Variants in GABBR2 observed in about 807,000 individuals in gnomAD.
The protein encoded by GABBR2 is gamma-aminobutyric acid type B receptor subunit 2.
A neutral mutation model predicts 105.6 loss-of-function variants in GABBR2; 23 were observed. The ratio of observed to expected loss-of-function variants is 0.22; its 90% CI spans 0.16 to 0.31. The LOEUF (loss-of-function observed/expected upper bound fraction) is 0.31, where lower values mean the gene tolerates loss of function less well. Among genes scored for constraint, GABBR2 ranks in the 10% least tolerant of loss-of-function variants. The pLI is 1.00. For synonymous variants in GABBR2, 478 were observed against 499.7 expected (o/e 0.96, Z 0.58); for missense variants, 734 against 1,245.5 (o/e 0.59, Z 6.18).
At chr9:98,671,989 G>T (rs900241083) in intron 1 of GABBR2, among the ~76,000 whole-genome samples, 1 of 152,154 alleles carries the variant, frequency 6.6e-6, no homozygotes, top group African/African-American at 2.4e-5. Flanking sequence ...AAGGTTTCTT[G>T]TTTGTAGAAC....
intron 7 of GABBR2, among the ~76,000 whole-genome samples, chr9:98,426,267 A>T (rs146965989): frequency 6.6e-6 from 1 of 152,310 alleles, no homozygotes; most frequent in African/African-American, 2.4e-5. Flanking sequence ...CACATAACCT[A>T]TCCAGGACTT....
intron 1 of GABBR2, among the ~76,000 whole-genome samples, chr9:98,627,720 A>G (rs922766807): frequency 5.3e-5 from 8 of 152,220 alleles, no homozygotes; most frequent in Non-Finnish European, 1.2e-4. Flanking sequence ...CCCTATGGCC[A>G]TTCTCCTCGG....
chr9:98,700,163 G>A (rs1314615101), intron 1 of GABBR2, among the ~76,000 whole-genome samples: 1 of 152,130 alleles, frequency 6.6e-6, no homozygotes, highest in Non-Finnish European at 1.5e-5. Context: ...TCAAGGGCAG[G>A]ATCTGTGTTT....
chr9:98,315,200 C>G (rs1192095297), intron 13 of GABBR2, among the ~76,000 whole-genome samples: 1 of 152,162 alleles, frequency 6.6e-6, no homozygotes. Flanking sequence ...CCCATCTCAG[C>G]AGCCTTAAGC....
intron 1 of GABBR2, among the ~76,000 whole-genome samples, chr9:98,685,870 T>A (rs1466870958): frequency 6.6e-6 from 1 of 152,034 alleles, no homozygotes; most frequent in Non-Finnish European, 1.5e-5. Flanking sequence ...AATTTTTTTT[T>A]AAGAGATGAG....
chr9:98,555,387 T>C (rs1015047502), intron 2 of GABBR2, among the ~76,000 whole-genome samples: 1 of 152,250 alleles, frequency 6.6e-6, no homozygotes, highest in Non-Finnish European at 1.5e-5. Flanking sequence ...AATGGTTTGT[T>C]AATTAAACAA....
chr9:98,440,018 C>T (rs1293445865), intron 7 of GABBR2, among the ~76,000 whole-genome samples: 3 of 152,158 alleles, frequency 2.0e-5, no homozygotes, highest in South Asian at 4.1e-4. Context: ...TACTGAAGGT[C>T]CCAGCCTACT....
At chr9:98,439,184 A>C (rs1441137051) in intron 7 of GABBR2, among the ~76,000 whole-genome samples, 1 of 152,176 alleles carries the variant, frequency 6.6e-6, no homozygotes, top group East Asian at 1.9e-4. Context: ...ATAAACATGC[A>C]ACATTAAAAT....
At chr9:98,590,780 G>T (rs931474782) in intron 1 of GABBR2, among the ~76,000 whole-genome samples, 1 of 152,240 alleles carries the variant, frequency 6.6e-6, no homozygotes, top group Non-Finnish European at 1.5e-5. Context: ...GCCTGAGCTA[G>T]GTAGGGGAAG....
chr9:98,658,641 C>T (rs572108877), intron 1 of GABBR2, among the ~76,000 whole-genome samples: 2 of 152,332 alleles, frequency 1.3e-5, no homozygotes, highest in Admixed American at 6.5e-5. Flanking sequence ...TCCAAGGAAC[C>T]ACTGCCAGTA....
chr9:98,586,143 A>G (rs576131293), intron 1 of GABBR2, among the ~76,000 whole-genome samples: 2 of 152,300 alleles, frequency 1.3e-5, no homozygotes, highest in African/African-American at 4.8e-5. Flanking sequence ...TATGAAAAAT[A>G]GTAATGCGAA....
At chr9:98,653,321 C>A (rs1003858344) in intron 1 of GABBR2, among the ~76,000 whole-genome samples, 12 of 152,158 alleles carry the variant, frequency 7.9e-5, no homozygotes, top group African/African-American at 2.9e-4. Context: ...TAAAGCACAG[C>A]CAGAGTTGTG....
At chr9:98,597,685 G>C (rs1829258212) in intron 1 of GABBR2, among the ~76,000 whole-genome samples, 1 of 152,086 alleles carries the variant, frequency 6.6e-6, no homozygotes, top group Non-Finnish European at 1.5e-5. Context: ...AGCCACCTGG[G>C]GTGAGGGCAC....
intron 3 of GABBR2, among the ~76,000 whole-genome samples, chr9:98,508,551 G>A (rs1041534826): frequency 6.6e-6 from 1 of 152,178 alleles, no homozygotes; most frequent in Non-Finnish European, 1.5e-5. Flanking sequence ...TGGAAAATTG[G>A]GTCACTCCCA....
chr9:98,585,235 C>T (rs959183720), intron 1 of GABBR2, among the ~76,000 whole-genome samples: 2 of 151,994 alleles, frequency 1.3e-5, no homozygotes, highest in Non-Finnish European at 2.9e-5. Context: ...AGACTTGGAA[C>T]CAACCTAAAT....
chr9:98,485,534 ACT>A (rs1279731935), intron 4 of GABBR2, among the ~76,000 whole-genome samples: 2 of 151,836 alleles, frequency 1.3e-5, no homozygotes, highest in Non-Finnish European at 2.9e-5. Flanking sequence ...ACGCACACAC[ACT>A]CACGCACGCA....
intron 5 of GABBR2, among the ~76,000 whole-genome samples, chr9:98,480,584 A>G (rs937241274): frequency 3.3e-5 from 5 of 152,226 alleles, no homozygotes; most frequent in Non-Finnish European, 7.3e-5. Context: ...CCCTAACCTA[A>G]GACTCTGAGC....
chr9:98,588,275 T>G (rs1355272394), intron 1 of GABBR2, among the ~76,000 whole-genome samples: 2 of 152,256 alleles, frequency 1.3e-5, no homozygotes, highest in African/African-American at 4.8e-5. Context: ...TATATTGTTT[T>G]GTCATTGCAA....
intron 7 of GABBR2, among the ~76,000 whole-genome samples, chr9:98,421,590 T>C (rs1158590199): frequency 6.6e-6 from 1 of 152,182 alleles, no homozygotes; most frequent in African/African-American, 2.4e-5. Context: ...GAAAAAAATA[T>C]TGTGTGAAAA....
Sources: allele counts gnomAD v4.1 joint callset (sites outside exome capture counted in the v4.1 genomes callset), GRCh38; gene constraint gnomAD v4.1.1; transcripts MANE v1.5; gene names NCBI Gene and HGNC (gene_info 2026-07-23, HGNC 2026-07-21).